The following LIMCH1 variants were observed in gnomAD, a reference collection of about 807,000 sequenced individuals.
LIMCH1 encodes the protein LIM and calponin homology domains-containing protein 1.
A neutral mutation model predicts 176.5 loss-of-function variants in LIMCH1; 113 were observed. The observed-to-expected ratio is 0.64, with a 90% confidence interval of 0.55 to 0.75. The LOEUF (loss-of-function observed/expected upper bound fraction) is 0.75. Ranked by LOEUF, LIMCH1 falls within the 30% of genes least tolerant of loss-of-function variation. The pLI is 0.00. For missense variants in LIMCH1, 1,674 were observed against 1,814.9 expected (o/e 0.92, Z 1.41); for synonymous variants, 619 against 645.9 (o/e 0.96, Z 0.63).
At chr4:41,591,398 T>C (rs1378885593) in intron 1 of LIMCH1, among the ~76,000 whole-genome samples, 1 of 151,978 alleles carries the variant, frequency 6.6e-6, no homozygotes, top group Non-Finnish European at 1.5e-5. Context: ...TGCTCCACCA[T>C]GGCCAGCTAA....
At chr4:41,592,286 A>G (rs1421040297) in intron 1 of LIMCH1, among the ~76,000 whole-genome samples, 2 of 152,186 alleles carry the variant, frequency 1.3e-5, no homozygotes, top group Non-Finnish European at 2.9e-5. Context: ...TCTGGCCTGA[A>G]CTTAGAACCA....
At chr4:41,454,400 A>G (rs1326255731) in intron 1 of LIMCH1, among the ~76,000 whole-genome samples, 6 of 152,128 alleles carry the variant, frequency 3.9e-5, no homozygotes, top group African/African-American at 1.4e-4. Context: ...ATGTTTGCTA[A>G]TGGAAATTAA....
intron 14 of LIMCH1, among the ~76,000 whole-genome samples, chr4:41,639,227 A>C (rs1585185233): frequency 6.6e-6 from 1 of 152,328 alleles, no homozygotes; most frequent in South Asian, 2.1e-4. Flanking sequence ...GGCATGTTAA[A>C]GTCGTTGTTC....
rs149835586 is a variant in LIMCH1, at chr4:41,479,060, A to C, written c.97-15476A>C. 3.6e-3 allele frequency among the ~76,000 whole-genome samples: 543 copies of C among 152,302 alleles called. 3 individuals carry two copies. Among genetic ancestry groups the C allele is most frequent in the African/African-American group, 0.013 (529 of 41,570 alleles). On this transcript the variant is annotated intron_variant, in intron 1 of 26. Coordinates refer to the LIMCH1 transcript ENST00000313860. The stretch of plus-strand genomic sequence containing the variant: ...GGAGGGGAGGGAGATTGGTTCAAAG[A>C]GACCCATATACCCACCACCTAGTTT...
chr4:41,538,898 G>A lies in LIMCH1; in HGVS notation c.-241+548G>A, dbSNP rs187311441. Among the ~76,000 whole-genome samples, 292 of 152,284 alleles carry A rather than the reference G, an allele frequency of 1.9e-3. 4 individuals are homozygous for A. The highest frequency in any genetic ancestry group is 6.4e-3 in the African/African-American group (267 of 41,554). On this transcript the variant is annotated intron_variant, in intron 1 of 31. Transcript: ENST00000503057. ...GAGGCAGGGAGGAGTCTGGAGGGAA[G>A]GGCTGCATCTCCAGCCTTGCCCACT... is the stretch of plus-strand genomic sequence containing the variant.
At chr4:41,461,372 A>T (rs79522043) in intron 1 of LIMCH1, among the ~76,000 whole-genome samples, 5,588 of 152,302 alleles carry the variant, frequency 0.037, 365 homozygotes, top group African/African-American at 0.13. Context: ...CTTAAAAACG[A>T]CTAAAGAGGT....
intron 1 of LIMCH1, among the ~76,000 whole-genome samples, chr4:41,427,802 T>C (rs2061248059): frequency 6.6e-6 from 1 of 152,168 alleles, no homozygotes; most frequent in South Asian, 2.1e-4. Flanking sequence ...TACAAACACA[T>C]GAGTTCCCTA....
chr4:41,403,551 A>G (rs998874484), intron 1 of LIMCH1, among the ~76,000 whole-genome samples: 10 of 152,202 alleles, frequency 6.6e-5, no homozygotes, highest in African/African-American at 2.4e-4. Flanking sequence ...ACTGCACTCC[A>G]GCCTGGGTGA....
At chr4:41,682,267 C>A in intron 25 of LIMCH1, 66 bp from the exon 26 acceptor site, 1 of 1,200,886 alleles carries the variant, frequency 8.3e-7, no homozygotes, top group Non-Finnish European at 1.1e-6. Context: ...TATCCCTGGC[C>A]AGAGATAAGG....
At chr4:41,437,819 C>T (rs2062248807) in intron 1 of LIMCH1, among the ~76,000 whole-genome samples, 1 of 152,004 alleles carries the variant, frequency 6.6e-6, no homozygotes, top group South Asian at 2.1e-4. Context: ...GACTGTAAGT[C>T]ATTAAAGCAG....
At chr4:41,397,720 G>A (rs536132445) in intron 1 of LIMCH1, among the ~76,000 whole-genome samples, 10 of 151,812 alleles carry the variant, frequency 6.6e-5, no homozygotes, top group East Asian at 5.8e-4. Flanking sequence ...ACTAATTTTC[G>A]TTGGCATATT....
At chr4:41,518,921 T>A (rs1288366105) in intron 2 of LIMCH1, among the ~76,000 whole-genome samples, 4 of 152,214 alleles carry the variant, frequency 2.6e-5, no homozygotes, top group Non-Finnish European at 5.9e-5. Context: ...ACACATTTTT[T>A]TTTACGGCTG....
intron 1 of LIMCH1, among the ~76,000 whole-genome samples, chr4:41,371,848 T>C (rs2054011007): frequency 6.6e-6 from 1 of 152,212 alleles, no homozygotes; most frequent in South Asian, 2.1e-4. Flanking sequence ...TCTGAACAAA[T>C]ATAGTTGGCT....
intron 1 of LIMCH1, among the ~76,000 whole-genome samples, chr4:41,364,465 A>G (rs942356197): frequency 4.6e-5 from 7 of 152,140 alleles, no homozygotes; most frequent in Non-Finnish European, 8.8e-5. Context: ...ATATGATTCA[A>G]TTGCCTACTG....
intron 1 of LIMCH1, among the ~76,000 whole-genome samples, chr4:41,373,777 C>G (rs1261873807): frequency 2.0e-5 from 3 of 152,186 alleles, no homozygotes. Context: ...ATTTATGTCC[C>G]TGCCCAAATC....
intron 24 of LIMCH1, among the ~76,000 whole-genome samples, chr4:41,680,607 G>A (rs1714915932): frequency 6.6e-6 from 1 of 152,132 alleles, no homozygotes; most frequent in Admixed American, 6.5e-5. Context: ...TGCATTTTAT[G>A]TATGTTATCT....
upstream of LIMCH1, chr4:41,360,713 C>T (rs2154089825): frequency 3.7e-6 from 2 of 536,190 alleles, no homozygotes; most frequent in African/African-American, 2.0e-5. The surrounding 1 kb of genome is among the most constrained non-coding windows in gnomAD (Gnocchi z 4.5). Context: ...GGACCTGCGC[C>T]GGCCGGGGGC....
intron 2 of LIMCH1, among the ~76,000 whole-genome samples, chr4:41,498,854 TG>T (rs1183074514): frequency 6.6e-6 from 1 of 152,060 alleles, no homozygotes; most frequent in African/African-American, 2.4e-5. Context: ...GATCAGGGGC[TG>T]GCAAATTATG....
Position 41,685,807 on chromosome 4 carries a change from C to T in LIMCH1, c.4065C>T (p.Ile1355=), listed in dbSNP as rs1252603514. 3.1e-6 allele frequency: 5 copies of T among 1,613,084 alleles called. No individual in the cohort carries two copies. In the African/African-American group the frequency reaches 4.0e-5, roughly 13 times the overall value. ...LPLDKSINHQ[I]ESPSERRKKS... is the part of the protein sequence containing the mutation. ...TGGATAAAAGCATTAACCATCAGAT[C>T]GAGTCTCCCAGTGAAAGGCGGAAGT... Residue 1355 remains isoleucine (I), a synonymous_variant, in exon 28 of 32, where the codon ATC becomes ATT. Transcript: ENST00000503057.
Sources: gnomAD v4.1 joint callset for allele counts (sites outside exome capture counted in the v4.1 genomes callset) on GRCh38, gnomAD v4.1.1 for gene constraint, Gnocchi (gnomAD v3.1) non-coding constraint, MANE v1.5 for transcripts, NCBI Gene and HGNC (gene_info 2026-07-23, HGNC 2026-07-21) for gene names.